KIF9: variants seen among roughly 807,000 people sequenced by gnomAD.
KIF9 encodes the protein kinesin family member 9, also known as kinesin-like protein KIF9.
In KIF9, 68 loss-of-function variants were observed where a neutral mutation model predicts 94.8. That is an observed-to-expected ratio of 0.72 (90% CI 0.59 to 0.88). The LOEUF (loss-of-function observed/expected upper bound fraction) is 0.88, where lower values mean the gene tolerates loss of function less well. Ranked by LOEUF, KIF9 falls within the 40% of genes least tolerant of loss-of-function variation. KIF9 has a pLI of 0.00. For missense variants in KIF9, 882 were observed against 982.5 expected (o/e 0.90, Z 1.37); for synonymous variants, 343 against 362.1 (o/e 0.95, Z 0.60).
chr3:47,253,309 C>T (rs1225259046), intron 10 of KIF9, among the ~76,000 whole-genome samples: 1 of 152,028 alleles, frequency 6.6e-6, no homozygotes, highest in Non-Finnish European at 1.5e-5. Context: ...GCATGCACCA[C>T]TACACTGAGC....
rs1218267145 is a variant in KIF9 at position 47,267,228 on chromosome 3, C to T, written c.627G>A (p.Met209Ile). ...AGTGTGATCTGGAAGAGTTTTTGTT[C>T]ATAGTGTGGGAGGCTATAATCCTGT... is the stretch of plus-strand genomic sequence containing the variant. Reference protein sequence around the residue: ...ETNRIIASHTMNKNSSRSHCI... With the variant: ...ETNRIIASHTINKNSSRSHCI... Residue 209 changes from methionine (M) to isoleucine (I), a missense_variant, in exon 6 of 21, where the codon ATG (methionine) becomes ATA (isoleucine). Coordinates refer to ENST00000684063, the MANE Select transcript of KIF9 (RefSeq NM_182902.4). 2.5e-6 allele frequency: 4 copies of T among 1,613,596 alleles called. No individual in the cohort carries two copies. Among genetic ancestry groups the T allele is most frequent in the Non-Finnish European group, 3.4e-6 (4 of 1,179,750 alleles).
intron 10 of KIF9, among the ~76,000 whole-genome samples, chr3:47,250,174 T>A (rs1700179756): frequency 6.6e-6 from 1 of 152,200 alleles, no homozygotes; most frequent in African/African-American, 2.4e-5. Context: ...TAGCACTTTC[T>A]GCAATTATTG....
At chr3:47,259,751 A>T (rs1478331468) in intron 9 of KIF9, among the ~76,000 whole-genome samples, 1 of 146,542 alleles carries the variant, frequency 6.8e-6, no homozygotes, top group Non-Finnish European at 1.5e-5. Context: ...TTTTTTAAAC[A>T]GATGCTTGAA....
intron 5 of KIF9, among the ~76,000 whole-genome samples, chr3:47,269,377 G>C (rs986756529): frequency 7.9e-5 from 12 of 152,100 alleles, no homozygotes; most frequent in Non-Finnish European, 1.0e-4. Context: ...TACCTGCTGG[G>C]CTCAAGTGAT....
chr3:47,243,144 C>T lies in KIF9; in HGVS notation c.1616G>A (p.Gly539Glu). The change falls in exon 16 of 21, where the codon GGG becomes GAG. Residue 539 changes from glycine to glutamate, a missense_variant. Transcript: ENST00000684063. ...KTQLVPSSKD[G>E]DVKDMLSRDR... Reference sequence around the variant, plus strand: ...CCGCGAAAGCATGTCTTTGACATCCCCATCTTTGGAGGATGGGACCAGCTG... The same window carrying T: ...CCGCGAAAGCATGTCTTTGACATCCTCATCTTTGGAGGATGGGACCAGCTG... 2 of 1,613,920 alleles carry T rather than the reference C, an allele frequency of 1.2e-6. No individual in the cohort carries two copies. The highest frequency in any genetic ancestry group is 1.7e-6 in the Non-Finnish European group (2 of 1,179,864).
At position 47,240,366 on chromosome 3, in the gene KIF9, T is replaced by G. The variant is rs749951044; in HGVS notation, c.1924+435A>C. On this transcript the variant is annotated intron_variant, in intron 17 of 20. Coordinates refer to ENST00000684063, the MANE Select transcript of KIF9 (RefSeq NM_182902.4). ...GGCTCTCTGGCATCCACATTCTTGT[T>G]CCCTTACTTGGTTTTTCATAGTCCC... is the stretch of plus-strand genomic sequence containing the variant. Among the ~76,000 whole-genome samples, 19 of 152,292 alleles carry G rather than the reference T, an allele frequency of 1.2e-4. No homozygotes were observed. The Middle Eastern group carries it at 0.017, about 136-fold the overall frequency.
At chr3:47,274,246 C>T (rs1701825051) in intron 3 of KIF9, among the ~76,000 whole-genome samples, 1 of 152,170 alleles carries the variant, frequency 6.6e-6, no homozygotes, top group South Asian at 2.1e-4. Flanking sequence ...CATGATCAGG[C>T]CCTGATCTGG....
chr3:47,264,201 C>T (rs1181518766), intron 9 of KIF9, 85 bp downstream of exon 9: 10 of 1,039,084 alleles, frequency 9.6e-6, no homozygotes, highest in Non-Finnish European at 1.4e-5. Flanking sequence ...GCCACTGTGC[C>T]AGGGTAGCCA....
At chr3:47,230,737 G>GA (rs1246935884) in intron 20 of KIF9, among the ~76,000 whole-genome samples, 2 of 142,536 alleles carry the variant, frequency 1.4e-5, no homozygotes, top group Admixed American at 1.4e-4. Flanking sequence ...TCTTGTGGGG[G>GA]AAAAAAAAAG....
chr3:47,240,389 C>G (rs1434792053), intron 17 of KIF9, among the ~76,000 whole-genome samples: 4 of 152,156 alleles, frequency 2.6e-5, no homozygotes, highest in Non-Finnish European at 5.9e-5. Context: ...TTTTCATAGT[C>G]CCTACCAGCA....
chr3:47,277,227 T>C (rs371590721), intron 2 of KIF9, 55 bp downstream of exon 2: 18 of 1,320,224 alleles, frequency 1.4e-5, no homozygotes, highest in Admixed American at 3.4e-5. Flanking sequence ...GGTCACACTA[T>C]AGCAAGGTGG....
chr3:47,233,380 A>G (rs1293496049), intron 20 of KIF9, among the ~76,000 whole-genome samples: 3 of 150,250 alleles, frequency 2.0e-5, no homozygotes, highest in African/African-American at 7.3e-5. Context: ...AAAAAAAAAA[A>G]AAAAAAGTTC....
In KIF9 at chr3:47,232,914, G is replaced by A. The variant is rs563628286; in HGVS notation, c.2322+2599C>T. Among the ~76,000 whole-genome samples the A allele has an allele frequency of 7.3e-5, 11 of 151,028 alleles. No individual in the cohort carries two copies. The East Asian group carries it at 1.4e-3, about 19-fold the overall frequency. On this transcript the variant is annotated intron_variant, in intron 20 of 20. Coordinates refer to ENST00000684063, the MANE Select transcript of KIF9 (RefSeq NM_182902.4). ...GGAGAATGGCGTGAACCCGGGAGGCGGAGTTGCAGTGAGCCGAGATCACGC... is the reference window on the plus strand; with the variant it reads ...GGAGAATGGCGTGAACCCGGGAGGCAGAGTTGCAGTGAGCCGAGATCACGC...
intron 2 of KIF9, among the ~76,000 whole-genome samples, chr3:47,276,165 T>C (rs1701952826): frequency 6.6e-6 from 1 of 152,210 alleles, no homozygotes; most frequent in Admixed American, 6.5e-5. Flanking sequence ...ATCTTCTTGA[T>C]GAGAACTTCT....
At chr3:47,257,806 G>C (rs1272446638) in intron 9 of KIF9, among the ~76,000 whole-genome samples, 1 of 152,186 alleles carries the variant, frequency 6.6e-6, no homozygotes, top group African/African-American at 2.4e-5. Flanking sequence ...TAGACTGTGA[G>C]GATGCGCACT....
intron 17 of KIF9, chr3:47,239,847 A>G: frequency 7.3e-7 from 1 of 1,367,874 alleles, no homozygotes; most frequent in Non-Finnish European, 9.8e-7. Flanking sequence ...GAGATCACTC[A>G]TGGAAGCTGG....
At chr3:47,258,838 G>A (rs992945135) in intron 9 of KIF9, among the ~76,000 whole-genome samples, 2 of 152,190 alleles carry the variant, frequency 1.3e-5, no homozygotes, top group East Asian at 1.9e-4. Context: ...TCTCAGGTGT[G>A]AGAATGGACT....
At chr3:47,279,853 G>A (rs556981242) in intron 1 of KIF9, among the ~76,000 whole-genome samples, 3 of 152,202 alleles carry the variant, frequency 2.0e-5, no homozygotes, top group South Asian at 2.1e-4. Flanking sequence ...TCCTGACCTC[G>A]TGATCTGCCC....
chr3:47,261,292 CTG>C lies in KIF9; in HGVS notation c.981+2992_981+2993del, dbSNP rs1309431027. 2.0e-5 allele frequency among the ~76,000 whole-genome samples: 3 copies of C among 152,182 alleles called. No homozygotes were observed. In the South Asian group the frequency reaches 6.2e-4, roughly 31 times the overall value. On this transcript the variant is annotated intron_variant, in intron 9 of 20. Transcript: ENST00000684063. Reference sequence around the variant, plus strand: ...ATAGAAGCATGCTCCAAAATGGACTCTGGGGTCCCCGGGACACTAAGAGTGAT... The same window carrying C: ...ATAGAAGCATGCTCCAAAATGGACTCGGGTCCCCGGGACACTAAGAGTGAT...
Sources: allele counts gnomAD v4.1 joint callset (sites outside exome capture counted in the v4.1 genomes callset), GRCh38; gene constraint gnomAD v4.1.1; transcripts MANE v1.5; gene names NCBI Gene and HGNC (gene_info 2026-07-23, HGNC 2026-07-21).